SDK1: variants seen among roughly 807,000 people sequenced by gnomAD.
SDK1 encodes protein sidekick-1.
Under a neutral mutation model 245.5 loss-of-function variants are expected in SDK1, and 157 were observed. That is an observed-to-expected ratio of 0.64 (90% CI 0.56 to 0.73). The LOEUF (loss-of-function observed/expected upper bound fraction) is 0.73. Among genes scored for constraint, SDK1 ranks in the 30% least tolerant of loss-of-function variants. SDK1 has a pLI of 0.00. For synonymous variants in SDK1, 1,647 were observed against 1,278.5 expected (o/e 1.29, Z -6.15); for missense variants, 3,583 against 3,002.3 (o/e 1.19, Z -4.52).
At chr7:4,113,071 A>G (rs919574776) in intron 23 of SDK1, among the ~76,000 whole-genome samples, 3 of 151,924 alleles carry the variant, frequency 2.0e-5, no homozygotes, top group Non-Finnish European at 4.4e-5. Flanking sequence ...GGCCTCCCTT[A>G]GTGCTAGGAT....
At chr7:3,490,562 T>G (rs752342676) in intron 1 of SDK1, among the ~76,000 whole-genome samples, 1 of 152,258 alleles carries the variant, frequency 6.6e-6, no homozygotes, top group East Asian at 1.9e-4. Context: ...ACTTACCATA[T>G]AGAATTCTGT....
chr7:4,210,931 A>G (rs1375474127), intron 38 of SDK1, among the ~76,000 whole-genome samples: 3 of 152,334 alleles, frequency 2.0e-5, no homozygotes, highest in South Asian at 2.1e-4. Flanking sequence ...GCCCGGACAC[A>G]CAAGAATCCT....
chr7:3,619,296 T>C, intron 2 of SDK1, 57 bp downstream of exon 2: 2 of 1,479,126 alleles, frequency 1.4e-6, no homozygotes, highest in Non-Finnish European at 1.9e-6. Flanking sequence ...TTGGAATACT[T>C]GCCTTACTGG....
intron 22 of SDK1, among the ~76,000 whole-genome samples, chr7:4,107,552 C>G (rs1366925276): frequency 2.0e-5 from 3 of 151,856 alleles, no homozygotes; most frequent in Admixed American, 2.0e-4. Context: ...TGGTTTAACA[C>G]CCAGAGGACT....
In SDK1 at chr7:3,468,657, C is replaced by G. The variant is rs562291558; in HGVS notation, c.299-150423C>G. Among the ~76,000 whole-genome samples the G allele has an allele frequency of 1.2e-3, 180 of 152,240 alleles. 1 individual carries two copies. The highest frequency in any genetic ancestry group is 2.6e-3 in the Admixed American group (40 of 15,286). ...AGAAGGAAGGAGTATTGAATACATG[C>G]CCAGAGAGGCCAGGAAGAATCCTGC... On this transcript the variant is annotated intron_variant, in intron 1 of 44. Coordinates refer to ENST00000404826, the MANE Select transcript of SDK1 (RefSeq NM_152744.4).
intron 17 of SDK1, among the ~76,000 whole-genome samples, chr7:4,040,062 C>CA (rs956256249): frequency 2.6e-5 from 4 of 152,006 alleles, no homozygotes; most frequent in South Asian, 4.1e-4. Flanking sequence ...GTTTTTGCAG[C>CA]AAAAAAGCTT....
At chr7:3,415,939 G>A (rs1779354615) in intron 1 of SDK1, among the ~76,000 whole-genome samples, 1 of 152,056 alleles carries the variant, frequency 6.6e-6, no homozygotes, top group Non-Finnish European at 1.5e-5. Flanking sequence ...CATTGTCTCT[G>A]CTCCCTACCT....
chr7:3,719,701 G>C (rs551582157), intron 4 of SDK1, among the ~76,000 whole-genome samples: 2 of 152,228 alleles, frequency 1.3e-5, no homozygotes, highest in South Asian at 4.2e-4. Flanking sequence ...TTAGGAGTCC[G>C]GGTGTGGTGG....
At chr7:3,621,685 C>T (rs927459457) in intron 2 of SDK1, among the ~76,000 whole-genome samples, 2 of 152,192 alleles carry the variant, frequency 1.3e-5, no homozygotes, top group Non-Finnish European at 2.9e-5. Context: ...GGTTTCTCCT[C>T]CATCCCAGGA....
chr7:3,333,208 G>T (rs1780113907), intron 1 of SDK1, among the ~76,000 whole-genome samples: 1 of 152,098 alleles, frequency 6.6e-6, no homozygotes, highest in South Asian at 2.1e-4. Context: ...TCTACTGAAG[G>T]CCAAAATGCA....
chr7:3,427,166 C>T (rs1341491205), intron 1 of SDK1, among the ~76,000 whole-genome samples: 1 of 152,096 alleles, frequency 6.6e-6, no homozygotes, highest in African/African-American at 2.4e-5. Flanking sequence ...ATTAAAAATT[C>T]TCTGTCAGTG....
At chr7:3,312,418 A>T (rs1375497763) in intron 1 of SDK1, among the ~76,000 whole-genome samples, 2 of 152,202 alleles carry the variant, frequency 1.3e-5, no homozygotes, top group East Asian at 1.9e-4. Context: ...GGAGATTGAG[A>T]TGATAGGATA....
At chr7:3,946,105 T>C (rs1016070928) in intron 5 of SDK1, among the ~76,000 whole-genome samples, 1 of 151,918 alleles carries the variant, frequency 6.6e-6, no homozygotes, top group African/African-American at 2.4e-5. Context: ...CTATCAGGTA[T>C]GCATGTCTAG....
intron 4 of SDK1, among the ~76,000 whole-genome samples, chr7:3,771,123 C>G (rs548271446): frequency 6.6e-6 from 1 of 152,218 alleles, no homozygotes; most frequent in South Asian, 2.1e-4. Context: ...TGGAGATCAA[C>G]TGGCTATGGG....
chr7:3,623,341 G>C (rs994561007), intron 2 of SDK1, among the ~76,000 whole-genome samples: 1 of 147,876 alleles, frequency 6.8e-6, no homozygotes, highest in African/African-American at 2.5e-5. Context: ...TTCGTCTCCT[G>C]GTCTCAAGCG....
chr7:3,853,805 A>G (rs1257968323), intron 5 of SDK1, among the ~76,000 whole-genome samples: 1 of 152,124 alleles, frequency 6.6e-6, no homozygotes, highest in East Asian at 1.9e-4. Flanking sequence ...CCTGGCCAAC[A>G]TGGTGAAACC....
chr7:3,691,250 TG>T (rs1483931579), intron 4 of SDK1, among the ~76,000 whole-genome samples: 1 of 152,210 alleles, frequency 6.6e-6, no homozygotes, highest in East Asian at 1.9e-4. Context: ...TTTCTTAAGT[TG>T]TTATGATTAC....
At chr7:3,719,658 A>G (rs1461298344) in intron 4 of SDK1, among the ~76,000 whole-genome samples, 1 of 152,200 alleles carries the variant, frequency 6.6e-6, no homozygotes, top group Admixed American at 6.5e-5. Context: ...AAAAAGTATC[A>G]CATAAAATAA....
intron 1 of SDK1, among the ~76,000 whole-genome samples, chr7:3,574,185 C>G (rs1046996884): frequency 6.6e-6 from 1 of 151,340 alleles, no homozygotes; most frequent in Admixed American, 6.6e-5. Flanking sequence ...GGCACAATCT[C>G]GGCTCACTGC....
Sources: gnomAD v4.1 joint callset for allele counts (sites outside exome capture counted in the v4.1 genomes callset) on GRCh38, gnomAD v4.1.1 for gene constraint, MANE v1.5 for transcripts, NCBI Gene and HGNC (gene_info 2026-07-23, HGNC 2026-07-21) for gene names.